The following SCEL variants were observed in gnomAD, a reference collection of about 807,000 sequenced individuals.
SCEL encodes sciellin.
SCEL carries 113 observed loss-of-function variants against 117.6 expected under a neutral mutation model. The ratio of observed to expected loss-of-function variants is 0.96; its 90% CI spans 0.83 to 1.12. The LOEUF (loss-of-function observed/expected upper bound fraction) is 1.12. Ranked by LOEUF, SCEL falls within the 50% of genes most tolerant of loss-of-function variation. The pLI, the probability that SCEL is intolerant of heterozygous loss-of-function variation, is 0.00. For synonymous variants in SCEL, 270 were observed against 256.2 expected (o/e 1.05, Z -0.51); for missense variants, 785 against 810.8 (o/e 0.97, Z 0.39).
At chr13:77,638,432 A>G (rs1167087076) in intron 30 of SCEL, among the ~76,000 whole-genome samples, 1 of 152,238 alleles carries the variant, frequency 6.6e-6, no homozygotes, top group Admixed American at 6.5e-5. Context: ...GACTAACTGT[A>G]TGATCTTAAT....
At chr13:77,555,214 A>T (rs950699796) in intron 1 of SCEL, among the ~76,000 whole-genome samples, 1 of 152,230 alleles carries the variant, frequency 6.6e-6, no homozygotes, top group African/African-American at 2.4e-5. Context: ...GAACTGGATC[A>T]GTCCTGGGCA....
intron 4 of SCEL, among the ~76,000 whole-genome samples, chr13:77,561,639 G>A (rs2084982131): frequency 6.6e-6 from 1 of 152,226 alleles, no homozygotes; most frequent in African/African-American, 2.4e-5. Flanking sequence ...GGAATACAAA[G>A]ATGCATAGAA....
intron 28 of SCEL, among the ~76,000 whole-genome samples, chr13:77,634,092 A>G (rs1411754870): frequency 6.6e-6 from 1 of 152,250 alleles, no homozygotes; most frequent in African/African-American, 2.4e-5. Flanking sequence ...AACATATTAT[A>G]CAAATATTCA....
At position 77,603,721 on chromosome 13, in the gene SCEL, C is replaced by T. The variant is rs78183700; in HGVS notation, c.1097+586C>T. 1.8e-4 allele frequency among the ~76,000 whole-genome samples: 27 copies of T among 152,190 alleles called. No homozygotes were observed. The East Asian group carries it at 3.3e-3, about 18-fold the overall frequency. On this transcript the variant is annotated intron_variant, in intron 18 of 32. Coordinates refer to ENST00000349847, the MANE Select transcript of SCEL (RefSeq NM_144777.3). ...ATTTTAATGGGGTGGCCTGTGTCCC[C>T]CTGGGGAGTGAATCATTAATTTTTC...
chr13:77,604,030 T>C (rs892512964), intron 18 of SCEL, among the ~76,000 whole-genome samples: 11 of 340 alleles, frequency 0.032, no homozygotes, highest in African/African-American at 0.088. Context: ...CTAACTTAAT[T>C]GTTATTTCAA....
chr13:77,638,376 T>TA (rs934926662), intron 30 of SCEL, among the ~76,000 whole-genome samples: 2 of 151,886 alleles, frequency 1.3e-5, no homozygotes, highest in Non-Finnish European at 2.9e-5. Context: ...GATAGCCAAT[T>TA]AAAAAAAACA....
chr13:77,638,268 C>T (rs1377636899), intron 30 of SCEL, among the ~76,000 whole-genome samples: 1 of 152,036 alleles, frequency 6.6e-6, no homozygotes, highest in East Asian at 1.9e-4. Context: ...CAATATTTTG[C>T]CCATTAGCAA....
intron 1 of SCEL, among the ~76,000 whole-genome samples, chr13:77,543,478 A>G (rs984758915): frequency 6.6e-6 from 1 of 152,204 alleles, no homozygotes; most frequent in Non-Finnish European, 1.5e-5. Flanking sequence ...TTATAAAAAT[A>G]TATTAGAAGC....
intron 27 of SCEL, among the ~76,000 whole-genome samples, chr13:77,625,453 A>T (rs1410530375): frequency 6.6e-6 from 1 of 152,210 alleles, no homozygotes; most frequent in Non-Finnish European, 1.5e-5. Context: ...AGAAGAATTC[A>T]GTTTTGAATT....
At chr13:77,569,290 T>A in intron 7 of SCEL, 81 bp from the exon 8 acceptor site, 1 of 1,087,184 alleles carries the variant, frequency 9.2e-7, no homozygotes, top group Non-Finnish European at 1.4e-6. Flanking sequence ...GGAATATGAG[T>A]AGAATTTAAG....
chr13:77,617,788 T>C lies in SCEL; in HGVS notation c.1512-15T>C. 1 of 1,597,994 alleles carries C rather than the reference T, an allele frequency of 6.3e-7. No homozygotes were observed. On this transcript the variant is annotated splice_polypyrimidine_tract_variant and intron_variant, in intron 25 of 32. Transcript: ENST00000349847. Reference sequence around the variant, plus strand: ...TCAAAATTAACCTGCTCTCATTTTATTTTTTGATTTAAAGAAACCAAGATC... The same window carrying C: ...TCAAAATTAACCTGCTCTCATTTTACTTTTTGATTTAAAGAAACCAAGATC...
chr13:77,607,543 T>C (rs2088303012), intron 19 of SCEL, among the ~76,000 whole-genome samples: 1 of 152,226 alleles, frequency 6.6e-6, no homozygotes, highest in South Asian at 2.1e-4. Context: ...TTGCATATCA[T>C]AGATTTTTAA....
intron 1 of SCEL, among the ~76,000 whole-genome samples, chr13:77,545,996 G>T (rs941030428): frequency 3.3e-5 from 5 of 152,178 alleles, no homozygotes; most frequent in Admixed American, 1.3e-4. Flanking sequence ...TCCTTTCTCA[G>T]TTAGCTTGAT....
At chr13:77,569,222 A>C (rs1270889287) in intron 7 of SCEL, 149 bp from the exon 8 acceptor site, 2 of 595,432 alleles carry the variant, frequency 3.4e-6, no homozygotes, top group Non-Finnish European at 5.9e-6. Context: ...CTAAGGAAGA[A>C]GATTTTTGGC....
At chr13:77,608,161 T>C (rs768856656) in intron 20 of SCEL, 46 bp downstream of exon 20, 3 of 1,445,302 alleles carry the variant, frequency 2.1e-6, no homozygotes, top group African/African-American at 1.4e-5. Flanking sequence ...CCCCATCCAT[T>C]TGTGGCACTC....
intron 32 of SCEL, among the ~76,000 whole-genome samples, 168 bp from the exon 33 acceptor site, chr13:77,644,090 C>T (rs547624321): frequency 1.3e-5 from 2 of 152,128 alleles, no homozygotes; most frequent in African/African-American, 4.8e-5. Flanking sequence ...GCATCTGGTA[C>T]GTCATGTACA....
At chr13:77,632,793 G>A (rs2090085475) in intron 28 of SCEL, among the ~76,000 whole-genome samples, 1 of 152,214 alleles carries the variant, frequency 6.6e-6, no homozygotes, top group Non-Finnish European at 1.5e-5. Context: ...TAAGCATCAT[G>A]ATATTTTTAG....
chr13:77,563,384 T>TA (rs2085095764), intron 4 of SCEL, among the ~76,000 whole-genome samples: 1 of 152,222 alleles, frequency 6.6e-6, no homozygotes, highest in African/African-American at 2.4e-5. Flanking sequence ...ACAAAGCATT[T>TA]ATGGATTTAG....
At chr13:77,629,777 GCCA>G (rs2089944848) in intron 28 of SCEL, among the ~76,000 whole-genome samples, 2 of 152,170 alleles carry the variant, frequency 1.3e-5, no homozygotes, top group Non-Finnish European at 1.5e-5. Context: ...AGTACAGAGA[GCCA>G]TGTAGAAATA....
Sources: gnomAD v4.1 joint callset for allele counts (sites outside exome capture counted in the v4.1 genomes callset) on GRCh38, gnomAD v4.1.1 for gene constraint, MANE v1.5 for transcripts, NCBI Gene and HGNC (gene_info 2026-07-23, HGNC 2026-07-21) for gene names.